The following PEX14 variants were observed in gnomAD, a reference collection of about 807,000 sequenced individuals.
The protein encoded by PEX14 is peroxisomal biogenesis factor 14.
PEX14 carries 15 observed loss-of-function variants against 49.5 expected under a neutral mutation model. The ratio of observed to expected loss-of-function variants is 0.30; its 90% CI spans 0.20 to 0.47. The LOEUF (loss-of-function observed/expected upper bound fraction) is 0.47. Ranked by LOEUF, PEX14 falls within the 20% of genes least tolerant of loss-of-function variation. PEX14 has a pLI of 1.00. For synonymous variants in PEX14, 210 were observed against 212.7 expected (o/e 0.99, Z 0.11); for missense variants, 398 against 494.8 (o/e 0.80, Z 1.86).
chr1:10,517,618 TC>T, intron 2 of PEX14, among the ~76,000 whole-genome samples: 1 of 151,764 alleles, frequency 6.6e-6, no homozygotes, highest in East Asian at 1.9e-4. Flanking sequence ...AGAATTCCCC[TC>T]CAAATTCATA....
chr1:10,481,608 A>G (rs1641284777), intron 1 of PEX14, among the ~76,000 whole-genome samples: 1 of 149,890 alleles, frequency 6.7e-6, no homozygotes, highest in Non-Finnish European at 1.5e-5. Flanking sequence ...TGCCCAGCTA[A>G]TTATTTTTTG....
chr1:10,596,965 G>T (rs868450595), intron 3 of PEX14, among the ~76,000 whole-genome samples: 2 of 152,204 alleles, frequency 1.3e-5, no homozygotes, highest in Non-Finnish European at 2.9e-5. Flanking sequence ...CTGCGATAAT[G>T]CAAGGAACAT....
intron 7 of PEX14, among the ~76,000 whole-genome samples, chr1:10,624,737 C>T (rs1026211063): frequency 2.0e-5 from 3 of 148,960 alleles, no homozygotes; most frequent in Non-Finnish European, 4.5e-5. Flanking sequence ...GCCACATCCC[C>T]GCAGCTCTGG....
At chr1:10,519,893 G>A (rs559145040) in intron 2 of PEX14, among the ~76,000 whole-genome samples, 3 of 152,104 alleles carry the variant, frequency 2.0e-5, no homozygotes, top group Admixed American at 6.5e-5. Flanking sequence ...CTCCCGCCTC[G>A]ACCTCCATGT....
At chr1:10,481,843 A>G (rs555462976) in intron 1 of PEX14, among the ~76,000 whole-genome samples, 6 of 96,880 alleles carry the variant, frequency 6.2e-5, no homozygotes, top group African/African-American at 2.0e-4. Context: ...TTTTTTTTTG[A>G]GACAATGCCT....
At chr1:10,617,943 T>C (rs1190219906) in intron 4 of PEX14, among the ~76,000 whole-genome samples, 3 of 152,134 alleles carry the variant, frequency 2.0e-5, no homozygotes, top group African/African-American at 4.8e-5. Flanking sequence ...AGGGCATATA[T>C]GGGTATATTT....
chr1:10,481,946 CT>C (rs1289300045), intron 1 of PEX14, among the ~76,000 whole-genome samples: 3 of 151,498 alleles, frequency 2.0e-5, no homozygotes, highest in Admixed American at 1.3e-4. Context: ...CTCAGCTCCC[CT>C]GGTAGCTGGG....
At chr1:10,555,445 C>G (rs921772725) in intron 3 of PEX14, among the ~76,000 whole-genome samples, 1 of 151,798 alleles carries the variant, frequency 6.6e-6, no homozygotes. Flanking sequence ...GAGGGAAAAA[C>G]GAATGTTTGA....
At chr1:10,506,887 C>A (rs887659300) in intron 2 of PEX14, among the ~76,000 whole-genome samples, 1 of 152,298 alleles carries the variant, frequency 6.6e-6, no homozygotes, top group Admixed American at 6.5e-5. Flanking sequence ...GGCTTTACAT[C>A]AAAAGATCAG....
chr1:10,545,512 A>G (rs915355575), intron 3 of PEX14, among the ~76,000 whole-genome samples: 3 of 152,216 alleles, frequency 2.0e-5, no homozygotes, highest in African/African-American at 7.2e-5. Context: ...CAAATTTTCT[A>G]GTAATGAAGC....
rs934217179 is a variant in PEX14 at position 10,542,964 on chromosome 1, A to G, written c.169+6667A>G. On this transcript the variant is annotated intron_variant, in intron 3 of 8. Transcript: ENST00000356607. ...GATAGGGGATATTTTTCTTGCTTAA[A>G]TTTCATGGGATTATGTTTCATAGTA... is the stretch of plus-strand genomic sequence containing the variant. Among the ~76,000 whole-genome samples, 3 of 152,172 alleles carry G rather than the reference A, an allele frequency of 2.0e-5. No individual in the cohort carries two copies. In the East Asian group the frequency reaches 5.8e-4, roughly 29 times the overall value.
intron 3 of PEX14, among the ~76,000 whole-genome samples, chr1:10,588,590 C>A (rs1640569153): frequency 6.6e-6 from 1 of 152,190 alleles, no homozygotes. Context: ...GATGAAACCT[C>A]CTGCTGTCCT....
chr1:10,612,722 T>C (rs1387056959), intron 4 of PEX14, among the ~76,000 whole-genome samples: 2 of 152,270 alleles, frequency 1.3e-5, no homozygotes, highest in East Asian at 1.9e-4. Flanking sequence ...TCTGCACTTG[T>C]GCTCTCCACC....
At position 10,495,502 on chromosome 1, in the gene PEX14, C is replaced by A. The variant is rs529630429; in HGVS notation, c.84+181C>A. Among the ~76,000 whole-genome samples, 17 of 152,278 alleles carry A rather than the reference C, an allele frequency of 1.1e-4. No individual in the cohort carries two copies. In the East Asian group the frequency reaches 3.3e-3, roughly 29 times the overall value. ...TCTCGCGTGTGGGGACGAGTGAGAT[C>A]TCTCCTTAGTAAAGGCTGGTCCTTT... is the stretch of plus-strand genomic sequence containing the variant. On this transcript the variant is annotated intron_variant, in intron 2 of 8. Transcript: ENST00000356607. The surrounding 1 kb of genome is among the most constrained non-coding windows in gnomAD (Gnocchi z 4.2).
intron 5 of PEX14, among the ~76,000 whole-genome samples, chr1:10,622,053 C>T (rs1641611692): frequency 6.6e-6 from 1 of 152,120 alleles, no homozygotes; most frequent in Admixed American, 6.5e-5. Context: ...CTCCATGTCC[C>T]GAGTGGCTGG....
At position 10,539,729 on chromosome 1, in the gene PEX14, C is replaced by T. The variant is rs532283916; in HGVS notation, c.169+3432C>T. On this transcript the variant is annotated intron_variant, in intron 3 of 8. Transcript: ENST00000356607. This position sits in a 1 kb window ranked among gnomAD's most constrained non-coding sequence, Gnocchi z 4.6. ...AGAAAGTTAGAGGCTTGGAAATTGTCGTCAATAGGCTTGTGTTGATTTGAC... is the reference window on the plus strand; with the variant it reads ...AGAAAGTTAGAGGCTTGGAAATTGTTGTCAATAGGCTTGTGTTGATTTGAC... 2.0e-5 allele frequency among the ~76,000 whole-genome samples: 3 copies of T among 152,060 alleles called. No homozygotes were observed. The highest frequency in any genetic ancestry group is 7.2e-5 in the African/African-American group (3 of 41,474).
At chr1:10,590,917 C>T (rs11578220) in intron 3 of PEX14, among the ~76,000 whole-genome samples, 11,801 of 152,182 alleles carry the variant, frequency 0.078, 623 homozygotes, top group African/African-American at 0.14. Context: ...ATTCAAGATG[C>T]AGAAGAAAAC....
intron 2 of PEX14, among the ~76,000 whole-genome samples, chr1:10,523,825 T>TAAAA (rs59324356): frequency 7.6e-6 from 1 of 132,370 alleles, no homozygotes; most frequent in African/African-American, 2.9e-5. Context: ...TCCTTTTAGT[T>TAAAA]AAAAAAAAAA....
chr1:10,477,180 C>T (rs1641210445), intron 1 of PEX14, among the ~76,000 whole-genome samples: 2 of 151,990 alleles, frequency 1.3e-5, no homozygotes. Context: ...ACGCCATTCT[C>T]CTGCCTCAGC....
Sources: allele counts gnomAD v4.1 joint callset (sites outside exome capture counted in the v4.1 genomes callset), GRCh38; gene constraint gnomAD v4.1.1; non-coding constraint Gnocchi (gnomAD v3.1); transcripts MANE v1.5; gene names NCBI Gene and HGNC (gene_info 2026-07-23, HGNC 2026-07-21).